Variants in UTRN observed in about 807,000 individuals in gnomAD.
The protein encoded by UTRN is dystrophin-related protein 1.
In UTRN, 283 loss-of-function variants were observed where a neutral mutation model predicts 463.9. That is an observed-to-expected ratio of 0.61 (90% confidence interval 0.55 to 0.67). The LOEUF is 0.67. Among genes scored for constraint, UTRN ranks in the 30% least tolerant of loss-of-function variants. The pLI is 0.00. For synonymous variants in UTRN, 1,442 were observed against 1,431.5 expected (o/e 1.01, Z -0.17); for missense variants, 3,922 against 4,084.3 (o/e 0.96, Z 1.08).
intron 39 of UTRN, among the ~76,000 whole-genome samples, chr6:144,521,703 T>G (rs1796106161): frequency 6.6e-6 from 1 of 152,134 alleles, no homozygotes; most frequent in African/African-American, 2.4e-5. Context: ...GTTTTTTGTT[T>G]GCTAACTGAG....
chr6:144,475,202 A>G (rs966844890), intron 25 of UTRN, among the ~76,000 whole-genome samples: 3 of 152,222 alleles, frequency 2.0e-5, no homozygotes, highest in African/African-American at 7.2e-5. Context: ...GAGGAGTAGC[A>G]AGGAGTTAGG....
intron 39 of UTRN, among the ~76,000 whole-genome samples, chr6:144,517,359 T>C (rs1795709786): frequency 6.6e-6 from 1 of 151,770 alleles, no homozygotes; most frequent in Non-Finnish European, 1.5e-5. Context: ...TTTATTTCTT[T>C]ATATTTTTCT....
intron 40 of UTRN, among the ~76,000 whole-genome samples, chr6:144,522,406 A>G (rs925315386): frequency 3.3e-5 from 5 of 152,248 alleles, no homozygotes; most frequent in African/African-American, 7.2e-5. Flanking sequence ...TATTTGCAAC[A>G]TCAGAGCCTT....
At chr6:144,824,426 A>ACG (rs1779867632) in intron 66 of UTRN, among the ~76,000 whole-genome samples, 1 of 141,260 alleles carries the variant, frequency 7.1e-6, no homozygotes, top group African/African-American at 2.7e-5. Context: ...ATATACACAC[A>ACG]CACACATTGT....
chr6:144,457,222 C>A (rs1222359059), intron 19 of UTRN, among the ~76,000 whole-genome samples: 1 of 152,122 alleles, frequency 6.6e-6, no homozygotes, highest in Non-Finnish European at 1.5e-5. Flanking sequence ...AAGGGAGATT[C>A]AGATGTTTAA....
chr6:144,777,165 T>G (rs534765397), intron 60 of UTRN, among the ~76,000 whole-genome samples: 1 of 152,294 alleles, frequency 6.6e-6, no homozygotes, highest in African/African-American at 2.4e-5. Context: ...GTGAATGATT[T>G]GAGTTTGAAG....
intron 51 of UTRN, chr6:144,660,147 A>T: frequency 2.1e-6 from 1 of 466,656 alleles, no homozygotes; most frequent in Non-Finnish European, 4.4e-6. Flanking sequence ...GCCAGAAAAG[A>T]TACGGTGTTT....
At chr6:144,293,764 CTAT>C (rs1297766513) in intron 2 of UTRN, among the ~76,000 whole-genome samples, 1 of 151,982 alleles carries the variant, frequency 6.6e-6, no homozygotes, top group East Asian at 1.9e-4. Context: ...TTGTTTAAAC[CTAT>C]TATTCTGTTT....
intron 51 of UTRN, among the ~76,000 whole-genome samples, chr6:144,586,102 A>G (rs1802438300): frequency 6.6e-6 from 1 of 151,660 alleles, no homozygotes; most frequent in South Asian, 2.1e-4. Context: ...TTTTCTGCTT[A>G]TTTTCATACT....
Position 144,522,207 on chromosome 6 carries a change from T to C in UTRN, c.5733+36T>C, listed in dbSNP as rs773973858. On this transcript the variant is annotated intron_variant, in intron 40 of 74. Transcript: ENST00000367545. ...GGGCACTGTGTTTGAATGGCCACAGTTAATGTAGAAGTAGAGGAAGAAATT... is the reference window on the plus strand; with the variant it reads ...GGGCACTGTGTTTGAATGGCCACAGCTAATGTAGAAGTAGAGGAAGAAATT... The C allele has an allele frequency of 2.8e-6, 4 of 1,414,936 alleles. No individual in the cohort carries two copies. The South Asian group carries it at 7.6e-5, about 27-fold the overall frequency. The allele number at this position is 1,414,936 out of a possible 1,614,324, so 87.6% of individuals were successfully genotyped here. A position where few individuals can be genotyped will look rare whatever the true frequency, so the allele number is the denominator to read the frequency against.
intron 34 of UTRN, among the ~76,000 whole-genome samples, chr6:144,503,092 G>A (rs1180197644): frequency 3.3e-5 from 5 of 152,010 alleles, no homozygotes; most frequent in Admixed American, 1.3e-4. Flanking sequence ...ACTTTTTGAT[G>A]GAGTTGTTTG....
chr6:144,834,940 G>T (rs1021039130), intron 69 of UTRN, among the ~76,000 whole-genome samples: 1 of 152,190 alleles, frequency 6.6e-6, no homozygotes, highest in Admixed American at 6.5e-5. Flanking sequence ...AACGGACCAC[G>T]TGCCATCTGC....
At chr6:144,648,328 A>C (rs1206496528) in intron 51 of UTRN, among the ~76,000 whole-genome samples, 1 of 152,220 alleles carries the variant, frequency 6.6e-6, no homozygotes, top group Non-Finnish European at 1.5e-5. Flanking sequence ...TTGGTTGGGA[A>C]ATTCACCAAC....
rs561486031 is a variant in UTRN at position 144,840,051 on chromosome 6, G to A, written c.10178-689G>A. Among the ~76,000 whole-genome samples, 557 of 152,090 alleles carry A rather than the reference G, an allele frequency of 3.7e-3. 3 individuals are homozygous for A. The highest frequency in any genetic ancestry group is 4.0e-3 in the Non-Finnish European group (274 of 67,972). ...AAAAATACAAAAATTAGCCAGGCGTGGTGGAGCACTCCTGTAGTCCCAGCT... is the reference window on the plus strand; with the variant it reads ...AAAAATACAAAAATTAGCCAGGCGTAGTGGAGCACTCCTGTAGTCCCAGCT... On this transcript the variant is annotated intron_variant, in intron 72 of 74. Transcript: ENST00000367545.
intron 51 of UTRN, among the ~76,000 whole-genome samples, chr6:144,613,534 C>G (rs1805746184): frequency 6.6e-6 from 1 of 152,004 alleles, no homozygotes; most frequent in Admixed American, 6.6e-5. Context: ...ACACTAAATG[C>G]ATGTTGTATG....
At chr6:144,664,776 T>C (rs958912221) in intron 51 of UTRN, among the ~76,000 whole-genome samples, 1 of 151,762 alleles carries the variant, frequency 6.6e-6, no homozygotes, top group African/African-American at 2.4e-5. Flanking sequence ...TTAATGACAA[T>C]TACTATCCCA....
chr6:144,610,267 T>C (rs898536649), intron 51 of UTRN, among the ~76,000 whole-genome samples: 1 of 145,842 alleles, frequency 6.9e-6, no homozygotes, highest in Non-Finnish European at 1.5e-5. Context: ...ACTCCCAAAA[T>C]ACAAAGGATC....
intron 2 of UTRN, among the ~76,000 whole-genome samples, chr6:144,355,203 A>G (rs941490060): frequency 2.6e-5 from 4 of 152,238 alleles, no homozygotes; most frequent in Middle Eastern, 3.4e-3. Flanking sequence ...AGGATTTTCG[A>G]ACATTTTTCA....
At chr6:144,361,929 A>G (rs1779115772) in intron 2 of UTRN, among the ~76,000 whole-genome samples, 1 of 152,070 alleles carries the variant, frequency 6.6e-6, no homozygotes, top group Non-Finnish European at 1.5e-5. Context: ...TTCATTAGAG[A>G]GACACAAGTC....
Sources: allele counts gnomAD v4.1 joint callset (sites outside exome capture counted in the v4.1 genomes callset), GRCh38; gene constraint gnomAD v4.1.1; transcripts MANE v1.5; gene names NCBI Gene and HGNC (gene_info 2026-07-23, HGNC 2026-07-21).